The following RBPMS variants were observed in gnomAD, a reference collection of about 807,000 sequenced individuals.
The protein encoded by RBPMS is RNA-binding protein with multiple splicing.
RBPMS carries 7 observed loss-of-function variants against 26.8 expected under a neutral mutation model. That is an observed-to-expected ratio of 0.26 (90% CI 0.15 to 0.49). The LOEUF is 0.49. RBPMS is among the 20% of genes least tolerant of loss of function. The probability of loss-of-function intolerance (pLI) is 0.98; values close to 1 mark genes in which losing one functional copy is unlikely to be tolerated. For synonymous variants in RBPMS, 96 were observed against 93.3 expected (o/e 1.03, Z -0.17); for missense variants, 186 against 250.0 (o/e 0.74, Z 1.73).
At chr8:30,521,679 A>G (rs1823044439) in intron 5 of RBPMS, among the ~76,000 whole-genome samples, 1 of 151,192 alleles carries the variant, frequency 6.6e-6, no homozygotes. Context: ...ATGTTGTTGC[A>G]AACGGTAGGA....
chr8:30,463,118 C>CT (rs1463327056), intron 1 of RBPMS, among the ~76,000 whole-genome samples: 4 of 152,120 alleles, frequency 2.6e-5, no homozygotes, highest in Non-Finnish European at 4.4e-5. Flanking sequence ...GAAAATGCAT[C>CT]TTTTTTGTGA....
intron 1 of RBPMS, among the ~76,000 whole-genome samples, chr8:30,461,191 A>C (rs1815851625): frequency 6.6e-6 from 1 of 152,190 alleles, no homozygotes; most frequent in South Asian, 2.1e-4. Flanking sequence ...TGTTGATATA[A>C]TTATTTATTC....
At chr8:30,554,501 A>C (rs960598420) in intron 6 of RBPMS, among the ~76,000 whole-genome samples, 12 of 152,166 alleles carry the variant, frequency 7.9e-5, no homozygotes. Flanking sequence ...AAGGGACCAA[A>C]TTGTGCATTT....
chr8:30,514,686 T>TTTTC (rs2150966125), intron 5 of RBPMS, among the ~76,000 whole-genome samples: 1 of 76,180 alleles, frequency 1.3e-5, no homozygotes, highest in Non-Finnish European at 3.0e-5. Flanking sequence ...CGGGCTTTTT[T>TTTTC]TTTTTTTTTT....
At chr8:30,549,494 C>A (rs775887662) in intron 6 of RBPMS, 2 of 1,610,848 alleles carry the variant, frequency 1.2e-6, no homozygotes, top group African/African-American at 2.7e-5. Context: ...TCCTCTCAAC[C>A]TGCAGCTCTG....
intron 1 of RBPMS, among the ~76,000 whole-genome samples, chr8:30,447,605 A>G (rs530668608): frequency 1.3e-5 from 2 of 152,356 alleles, no homozygotes; most frequent in South Asian, 4.1e-4. Context: ...AATTTAGGAA[A>G]GACTTTGTAA....
intron 4 of RBPMS, among the ~76,000 whole-genome samples, chr8:30,483,167 C>T (rs995059844): frequency 6.6e-6 from 1 of 152,148 alleles, no homozygotes; most frequent in African/African-American, 2.4e-5. Context: ...TCTCTGCTAA[C>T]CTAGAGATCT....
chr8:30,514,456 A>C lies in RBPMS; in HGVS notation c.397+10020A>C, dbSNP rs142772458. Among the ~76,000 whole-genome samples the C allele has an allele frequency of 5.5e-4, 83 of 152,196 alleles. No individual in the cohort carries two copies. The East Asian group carries it at 0.015, about 27-fold the overall frequency. ...TGACAGTTTTTGTTCCAAATAATAA[A>C]ATTTTAGGTTTAAGGCAAAAATTAG... On this transcript the variant is annotated intron_variant, in intron 5 of 8. Transcript: ENST00000397323.
chr8:30,501,228 ATC>A (rs1283578105), intron 4 of RBPMS, among the ~76,000 whole-genome samples: 3 of 151,180 alleles, frequency 2.0e-5, no homozygotes, highest in Non-Finnish European at 4.4e-5. Flanking sequence ...GTCCTTTGTG[ATC>A]TCTCCCCAGT....
chr8:30,536,036 G>A (rs144475298), intron 5 of RBPMS, among the ~76,000 whole-genome samples: 14 of 152,060 alleles, frequency 9.2e-5, no homozygotes, highest in East Asian at 5.8e-4. Flanking sequence ...TGTAACATGC[G>A]CTATGCTAGG....
intron 7 of RBPMS, chr8:30,562,217 G>C (rs1293856501): frequency 5.5e-6 from 1 of 183,274 alleles, no homozygotes; most frequent in East Asian, 1.9e-4. Context: ...TGTAATCCCA[G>C]CTACTAGGGA....
chr8:30,539,885 C>CA (rs1825201486), intron 5 of RBPMS, among the ~76,000 whole-genome samples: 1 of 152,162 alleles, frequency 6.6e-6, no homozygotes, highest in Non-Finnish European at 1.5e-5. Flanking sequence ...CTCCGCCTCC[C>CA]AAAGTGCTGG....
chr8:30,461,132 A>ATAGCTTCTACTGCCTAGCT (rs778470571), intron 1 of RBPMS, among the ~76,000 whole-genome samples: 95 of 152,166 alleles, frequency 6.2e-4, no homozygotes, highest in Non-Finnish European at 1.1e-3. Context: ...CCCTAACTAC[A>ATAGCTTCTACTGCCTAGCT]TAGCTTCTAC....
intron 1 of RBPMS, among the ~76,000 whole-genome samples, chr8:30,461,165 C>G (rs143440568): frequency 1.3e-3 from 191 of 152,202 alleles, no homozygotes; most frequent in African/African-American, 4.3e-3. Context: ...CCAACTGATA[C>G]CAATCTCTTC....
chr8:30,496,638 T>C (rs955410997), intron 4 of RBPMS, among the ~76,000 whole-genome samples: 3 of 152,252 alleles, frequency 2.0e-5, no homozygotes. Flanking sequence ...GACCCAGTTC[T>C]CTACTAGCTT....
intron 5 of RBPMS, among the ~76,000 whole-genome samples, chr8:30,505,057 T>G (rs1468768886): frequency 6.6e-6 from 1 of 152,228 alleles, no homozygotes; most frequent in Non-Finnish European, 1.5e-5. Context: ...TACCCCACAT[T>G]AATAAGCTTA....
At chr8:30,455,261 G>T (rs1815066205) in intron 1 of RBPMS, among the ~76,000 whole-genome samples, 2 of 152,104 alleles carry the variant, frequency 1.3e-5, no homozygotes, top group South Asian at 2.1e-4. Context: ...CCCAGTTAGG[G>T]CTTTCTCTAA....
intron 1 of RBPMS, among the ~76,000 whole-genome samples, chr8:30,440,137 T>A (rs1812912391): frequency 6.6e-6 from 1 of 152,140 alleles, no homozygotes; most frequent in South Asian, 2.1e-4. Flanking sequence ...GGGGTCTCAT[T>A]CTATTACTAA....
chr8:30,417,959 ATG>A (rs1234316963), intron 1 of RBPMS, among the ~76,000 whole-genome samples: 2 of 152,260 alleles, frequency 1.3e-5, no homozygotes, highest in African/African-American at 4.8e-5. Context: ...TATAGTTGAT[ATG>A]TGTTACCATA....
Sources: gnomAD v4.1 joint callset for allele counts (sites outside exome capture counted in the v4.1 genomes callset) on GRCh38, gnomAD v4.1.1 for gene constraint, MANE v1.5 for transcripts, NCBI Gene and HGNC (gene_info 2026-07-23, HGNC 2026-07-21) for gene names.